NKAIN2: variants seen among roughly 807,000 people sequenced by gnomAD.
NKAIN2 encodes the protein sodium/potassium transporting ATPase interacting 2.
In NKAIN2, 14 loss-of-function variants were observed where a neutral mutation model predicts 32.6. The observed-to-expected ratio is 0.43, with a 90% CI of 0.28 to 0.67. The LOEUF is 0.67. NKAIN2 is among the 30% of genes least tolerant of loss of function. NKAIN2 has a pLI of 0.17. For synonymous variants in NKAIN2, 80 were observed against 87.2 expected (o/e 0.92, Z 0.46); for missense variants, 198 against 258.3 (o/e 0.77, Z 1.60).
rs374406191 is a variant in NKAIN2, at chr6:124,793,272, T to G, written c.535+1873T>G. On this transcript the variant is annotated intron_variant, in intron 5 of 6. Coordinates refer to ENST00000368417, the MANE Select transcript of NKAIN2 (RefSeq NM_001040214.3). ...TGGGAATAAGATCACTAGTTCAGTT[T>G]GCACAGGTTGAGTTTGAGGTACCTA... is the stretch of plus-strand genomic sequence containing the variant. Among the ~76,000 whole-genome samples the G allele has an allele frequency of 3.9e-5, 6 of 152,154 alleles. No homozygotes were observed. The East Asian group carries it at 7.7e-4, about 20-fold the overall frequency.
Position 123,803,902 on chromosome 6 carries a change from C to G in NKAIN2, c.-299C>G, listed in dbSNP as rs1195104776. ...GCGCGGCGGCGCTGCCAGGCTGCCG[C>G]TGCTGCCCCTGCGGGCCCCGAGCGC... On this transcript the variant is annotated 5_prime_UTR_variant, in exon 1 of 7. Coordinates refer to ENST00000368417, the MANE Select transcript of NKAIN2 (RefSeq NM_001040214.3). Among the ~76,000 whole-genome samples the G allele has an allele frequency of 6.7e-6, 1 of 148,366 alleles. No homozygotes were observed. The highest frequency in any genetic ancestry group is 6.7e-5 in the Admixed American group (1 of 14,938).
At chr6:124,464,764 T>C (rs1776674495) in intron 3 of NKAIN2, among the ~76,000 whole-genome samples, 1 of 152,186 alleles carries the variant, frequency 6.6e-6, no homozygotes, top group Non-Finnish European at 1.5e-5. Flanking sequence ...TTTTGTTTAC[T>C]GTAGCCTTGT....
chr6:124,808,005 C>A (rs1426911234), intron 5 of NKAIN2, among the ~76,000 whole-genome samples: 1 of 143,156 alleles, frequency 7.0e-6, no homozygotes, highest in South Asian at 2.5e-4. Flanking sequence ...GCTTACCAAC[C>A]AAAAAGAGTC....
chr6:124,574,830 C>T (rs1306554620), intron 3 of NKAIN2, among the ~76,000 whole-genome samples: 1 of 152,128 alleles, frequency 6.6e-6, no homozygotes, highest in Non-Finnish European at 1.5e-5. Flanking sequence ...TACAGAATGC[C>T]TAGTACCTAG....
intron 4 of NKAIN2, among the ~76,000 whole-genome samples, chr6:124,670,865 C>T (rs1773066727): frequency 6.6e-6 from 1 of 151,986 alleles, no homozygotes; most frequent in Non-Finnish European, 1.5e-5. Context: ...GAAAATGGAA[C>T]TTATCAGAAG....
intron 1 of NKAIN2, among the ~76,000 whole-genome samples, chr6:124,217,137 T>C (rs1440549900): frequency 6.6e-6 from 1 of 152,118 alleles, no homozygotes; most frequent in Non-Finnish European, 1.5e-5. Context: ...TCCTAAAGTA[T>C]AAACATATTG....
intron 1 of NKAIN2, among the ~76,000 whole-genome samples, chr6:124,233,046 AT>A (rs1295063285): frequency 1.3e-5 from 2 of 152,126 alleles, no homozygotes; most frequent in African/African-American, 4.8e-5. Context: ...TGGGGGTACA[AT>A]GGGAACCAGT....
chr6:124,481,367 C>G (rs1263550841), intron 3 of NKAIN2, among the ~76,000 whole-genome samples: 1 of 151,938 alleles, frequency 6.6e-6, no homozygotes, highest in African/African-American at 2.4e-5. Flanking sequence ...TACAAAATCT[C>G]TCCCAGGTCT....
chr6:124,350,157 C>A (rs1798648778), intron 2 of NKAIN2, among the ~76,000 whole-genome samples: 1 of 152,206 alleles, frequency 6.6e-6, no homozygotes, highest in African/African-American at 2.4e-5. Flanking sequence ...CAGGGCAGAA[C>A]ATCTTTTCCA....
At chr6:124,385,870 G>T (rs1772875443) in intron 3 of NKAIN2, among the ~76,000 whole-genome samples, 1 of 151,756 alleles carries the variant, frequency 6.6e-6, no homozygotes, top group African/African-American at 2.4e-5. Flanking sequence ...CTTCAAAAAA[G>T]TTCATGAAAA....
chr6:124,320,509 C>T lies in NKAIN2; in HGVS notation c.193-34758C>T, dbSNP rs562044462. On this transcript the variant is annotated intron_variant, in intron 2 of 6. Coordinates refer to ENST00000368417, the MANE Select transcript of NKAIN2 (RefSeq NM_001040214.3). ...CCTGAGAGAGCCTACTCCCTTTATCCCCCAATACATATTTCAATGTATCCA... is the reference window on the plus strand; with the variant it reads ...CCTGAGAGAGCCTACTCCCTTTATCTCCCAATACATATTTCAATGTATCCA... Among the ~76,000 whole-genome samples, 541 of 152,176 alleles carry T rather than the reference C, an allele frequency of 3.6e-3. 4 individuals carry two copies. Among genetic ancestry groups the T allele is most frequent in the African/African-American group, 0.012 (511 of 41,544 alleles).
chr6:124,523,277 G>T (rs1486818065), intron 3 of NKAIN2, among the ~76,000 whole-genome samples: 1 of 151,580 alleles, frequency 6.6e-6, no homozygotes, highest in Admixed American at 6.6e-5. Context: ...TGTTTTACCT[G>T]CCTCATCAAA....
At position 124,824,020 on chromosome 6, in the gene NKAIN2, A is replaced by C. The variant is rs1159465827; in HGVS notation, c.*791A>C. 6.6e-6 allele frequency: 1 copy of C among 152,174 alleles called. No individual in the cohort carries two copies. Among genetic ancestry groups the C allele is most frequent in the Non-Finnish European group, 1.5e-5 (1 of 68,012 alleles). 9.4% of individuals were successfully genotyped at this position (152,174 alleles called of 1,614,324 possible). On this transcript the variant is annotated 3_prime_UTR_variant, in exon 7 of 7. Coordinates refer to ENST00000368417, the MANE Select transcript of NKAIN2 (RefSeq NM_001040214.3). ...CATGGTGGCCCAAAAGAGACAAGTA[A>C]CAATAACAATATCTGTCATCTTTAT...
chr6:124,683,297 G>A (rs1773708357), intron 4 of NKAIN2, among the ~76,000 whole-genome samples: 1 of 152,144 alleles, frequency 6.6e-6, no homozygotes, highest in African/African-American at 2.4e-5. Flanking sequence ...AACAAGATAA[G>A]TCTATGTGAT....
chr6:124,751,547 A>G (rs932195120), intron 4 of NKAIN2, among the ~76,000 whole-genome samples: 1 of 151,816 alleles, frequency 6.6e-6, no homozygotes, highest in Admixed American at 6.6e-5. Flanking sequence ...CAGGAGAGGA[A>G]ATTATTTAAA....
At chr6:124,734,834 G>GA (rs1045013776) in intron 4 of NKAIN2, among the ~76,000 whole-genome samples, 19 of 151,872 alleles carry the variant, frequency 1.3e-4, no homozygotes, top group Middle Eastern at 3.4e-3. Context: ...CCTGTTCCTG[G>GA]AAAAAATCAT....
At chr6:124,673,577 A>C (rs1290067124) in intron 4 of NKAIN2, among the ~76,000 whole-genome samples, 1 of 152,080 alleles carries the variant, frequency 6.6e-6, no homozygotes, top group African/African-American at 2.4e-5. Flanking sequence ...AATAATGGCC[A>C]TCCTAACAAG....
chr6:124,403,459 A>T (rs332605), intron 3 of NKAIN2, among the ~76,000 whole-genome samples: 1 of 152,090 alleles, frequency 6.6e-6, no homozygotes, highest in Admixed American at 6.5e-5. Flanking sequence ...TACCCCCCTT[A>T]CTTCGCTGGT....
intron 3 of NKAIN2, among the ~76,000 whole-genome samples, chr6:124,434,787 A>G (rs993418443): frequency 2.0e-5 from 3 of 152,190 alleles, no homozygotes; most frequent in African/African-American, 7.2e-5. Context: ...CCTTAATAGC[A>G]GTATAAGTTT....
Sources: gnomAD v4.1 joint callset for allele counts (sites outside exome capture counted in the v4.1 genomes callset) on GRCh38, gnomAD v4.1.1 for gene constraint, MANE v1.5 for transcripts, NCBI Gene and HGNC (gene_info 2026-07-23, HGNC 2026-07-21) for gene names.